The following PCDHA4 variants were observed in gnomAD, a reference collection of about 807,000 sequenced individuals.
The protein encoded by PCDHA4 is protocadherin alpha-4.
In PCDHA4, 49 loss-of-function variants were observed where a neutral mutation model predicts 61.4. The observed-to-expected ratio is 0.80, with a 90% CI of 0.63 to 1.01. The LOEUF (loss-of-function observed/expected upper bound fraction) is 1.01. Ranked by LOEUF, PCDHA4 falls within the 50% of genes least tolerant of loss-of-function variation. The probability of loss-of-function intolerance (pLI) is 0.00; values close to 1 mark genes in which losing one functional copy is unlikely to be tolerated. For missense variants in PCDHA4, 1,254 were observed against 1,235.8 expected (o/e 1.01, Z -0.22); for synonymous variants, 590 against 550.3 (o/e 1.07, Z -1.01).
chr5:140,872,338 A>G (rs970096150), intron 1 of PCDHA4, among the ~76,000 whole-genome samples: 2 of 152,156 alleles, frequency 1.3e-5, no homozygotes, highest in Non-Finnish European at 2.9e-5. Flanking sequence ...AAAATTCTAC[A>G]TGTTCTTGCC....
intron 1 of PCDHA4, among the ~76,000 whole-genome samples, chr5:140,896,536 C>CTTTT (rs34213614): frequency 1.4e-5 from 2 of 145,620 alleles, no homozygotes; most frequent in Admixed American, 6.8e-5. Context: ...AGCTATTTTT[C>CTTTT]TTTTTTTTTT....
Position 140,856,234 on chromosome 5 carries a change from G to A in PCDHA4, c.2385+46662G>A. On this transcript the variant is annotated intron_variant, in intron 1 of 3. Transcript: ENST00000530339. ...AGCTGGCGGAGCTGGTGCAGCGCCT[G>A]TTCCGGGTGGCGTCCAAAAGACACG... 3 of 1,598,040 alleles carry A rather than the reference G, an allele frequency of 1.9e-6. 1 individual carries two copies. Among genetic ancestry groups the A allele is most frequent in the Non-Finnish European group, 2.6e-6 (3 of 1,167,878 alleles).
intron 1 of PCDHA4, chr5:140,862,986 T>C (rs897931834): frequency 3.7e-6 from 2 of 546,930 alleles, no homozygotes; most frequent in Non-Finnish European, 3.6e-6. Flanking sequence ...GTGGCGAAGG[T>C]GCGCACGGTG....
chr5:140,814,578 T>C (rs1554126555), intron 1 of PCDHA4: 1 of 152,168 alleles, frequency 6.6e-6, no homozygotes, highest in African/African-American at 2.4e-5. Flanking sequence ...GTACTGTAAA[T>C]TACTGTACAT....
intron 1 of PCDHA4, among the ~76,000 whole-genome samples, chr5:140,947,840 T>C (rs1554218335): frequency 6.6e-6 from 1 of 151,630 alleles, no homozygotes; most frequent in Non-Finnish European, 1.5e-5. Context: ...TAATATTTGT[T>C]TATTTATTTT....
Position 140,809,505 on chromosome 5 carries a change from G to A in PCDHA4, c.2318G>A (p.Ser773Asn), listed in dbSNP as rs782212508. 2.5e-6 allele frequency: 4 copies of A among 1,614,224 alleles called. No homozygotes were observed. The highest frequency in any genetic ancestry group is 1.3e-5 in the African/African-American group (1 of 75,072). The stretch of plus-strand genomic sequence containing the variant: ...CCCAAGACCGACCTCATGGCCTTCA[G>A]CCCCAGTTTACCTGACTCTAGGGAC... ...GPPKTDLMAF[S>N]PSLPDSRDRE... Residue 773 changes from serine to asparagine, a missense_variant, in exon 1 of 4, where the codon AGC becomes AAC. Coordinates refer to ENST00000530339, the MANE Select transcript of PCDHA4 (RefSeq NM_018907.4).
intron 3 of PCDHA4, among the ~76,000 whole-genome samples, chr5:141,007,033 T>C (rs1357363669): frequency 6.6e-6 from 1 of 152,120 alleles, no homozygotes; most frequent in Non-Finnish European, 1.5e-5. Flanking sequence ...GGTATTTATA[T>C]CTATGGATAT....
chr5:140,911,477 T>A (rs1457881834), intron 1 of PCDHA4, among the ~76,000 whole-genome samples: 2 of 152,132 alleles, frequency 1.3e-5, no homozygotes, highest in Non-Finnish European at 2.9e-5. Context: ...AGACTCTCAC[T>A]CAGGGCAATC....
intron 1 of PCDHA4, among the ~76,000 whole-genome samples, chr5:140,960,030 C>T (rs75063622): frequency 0.012 from 1,781 of 152,150 alleles, 34 homozygotes; most frequent in African/African-American, 0.039. Flanking sequence ...TTGTTAAGTC[C>T]GGCTGTTTAT....
At chr5:140,902,729 C>T (rs1554190627) in intron 1 of PCDHA4, among the ~76,000 whole-genome samples, 1 of 152,068 alleles carries the variant, frequency 6.6e-6, no homozygotes, top group East Asian at 1.9e-4. Flanking sequence ...CCCTTCCCTC[C>T]AAGTCCCCCA....
intron 1 of PCDHA4, chr5:140,927,020 T>G: frequency 6.2e-7 from 1 of 1,612,524 alleles, no homozygotes; most frequent in Non-Finnish European, 8.5e-7. Flanking sequence ...TCCGCGGACT[T>G]GAGGCTGCCA....
At chr5:140,876,131 C>G in intron 1 of PCDHA4, 3 of 1,613,872 alleles carry the variant, frequency 1.9e-6, no homozygotes, top group Non-Finnish European at 2.5e-6. Context: ...GGCGGTAAAC[C>G]AGAACTAACA....
chr5:140,895,905 G>A (rs987746254), intron 1 of PCDHA4, among the ~76,000 whole-genome samples: 4 of 152,076 alleles, frequency 2.6e-5, no homozygotes, highest in Admixed American at 1.3e-4. Context: ...TCCGCGTCCC[G>A]GGCTCAACAA....
At chr5:140,932,525 A>G (rs2088383031) in intron 1 of PCDHA4, among the ~76,000 whole-genome samples, 1 of 151,898 alleles carries the variant, frequency 6.6e-6, no homozygotes, top group Non-Finnish European at 1.5e-5. Flanking sequence ...TGTTTGTGGC[A>G]TTCAAGGTGC....
At chr5:140,842,986 G>T in intron 1 of PCDHA4, 1 of 1,595,006 alleles carries the variant, frequency 6.3e-7, no homozygotes, top group Admixed American at 1.7e-5. Context: ...AGGTGTTCGT[G>T]CTGGACGAGA....
At chr5:140,972,797 G>A (rs1563419152) in intron 1 of PCDHA4, among the ~76,000 whole-genome samples, 3 of 151,664 alleles carry the variant, frequency 2.0e-5, no homozygotes, top group Admixed American at 2.0e-4. Flanking sequence ...CTGAGTAGCT[G>A]AGATTACAGG....
chr5:140,863,494 C>T (rs1203332871), intron 1 of PCDHA4: 2 of 442,624 alleles, frequency 4.5e-6, no homozygotes, highest in East Asian at 6.0e-5. Context: ...GTCAACATTA[C>T]GGCTTTTAGT....
At chr5:140,914,501 C>T (rs1231907689) in intron 1 of PCDHA4, among the ~76,000 whole-genome samples, 1 of 152,084 alleles carries the variant, frequency 6.6e-6, no homozygotes, top group African/African-American at 2.4e-5. Context: ...GGCAACAGAT[C>T]ATTGGGTCAT....
intron 1 of PCDHA4, among the ~76,000 whole-genome samples, chr5:140,893,338 T>A (rs1409461265): frequency 1.3e-5 from 2 of 152,174 alleles, no homozygotes; most frequent in Non-Finnish European, 2.9e-5. Flanking sequence ...TTTTCCTTAG[T>A]GGCAGTGCTA....
Sources: gnomAD v4.1 joint callset for allele counts (sites outside exome capture counted in the v4.1 genomes callset) on GRCh38, gnomAD v4.1.1 for gene constraint, MANE v1.5 for transcripts, NCBI Gene and HGNC (gene_info 2026-07-23, HGNC 2026-07-21) for gene names.